Variants in KCNT1 observed in about 807,000 individuals in gnomAD.
KCNT1 encodes the protein potassium sodium-activated channel subfamily T member 1, also known as potassium channel subfamily T member 1.
KCNT1 carries 78 observed loss-of-function variants against 147.8 expected under a neutral mutation model. The ratio of observed to expected loss-of-function variants is 0.53; its 90% CI spans 0.44 to 0.64. The LOEUF is 0.64. Among genes scored for constraint, KCNT1 ranks in the 30% least tolerant of loss-of-function variants. The pLI, the probability that KCNT1 is intolerant of heterozygous loss-of-function variation, is 0.00. For synonymous variants in KCNT1, 867 were observed against 748.8 expected, an observed-to-expected ratio of 1.16 and a Z score of -2.58; for missense variants, 1,419 against 1,750.3, an observed-to-expected ratio of 0.81 and a Z score of 3.38.
intron 15 of KCNT1, 40 bp downstream of exon 15, chr9:135,768,977 C>A: frequency 6.7e-7 from 1 of 1,496,664 alleles, no homozygotes. Context: ...GTATCTGGGG[C>A]AGGGCACGTG....
rs1458707658 is a variant in KCNT1, at chr9:135,752,377, A to G, written c.434+1336A>G. The G allele has an allele frequency of 6.6e-6, 3 of 456,472 alleles. No homozygotes were observed. The highest frequency in any genetic ancestry group is 1.3e-5 in the Non-Finnish European group (3 of 226,910). 28.3% of individuals were successfully genotyped at this position (456,472 alleles called of 1,614,324 possible). On this transcript the variant is annotated intron_variant, in intron 4 of 30. Coordinates refer to ENST00000371757, the MANE Select transcript of KCNT1 (RefSeq NM_020822.3). This position sits in a 1 kb window ranked among gnomAD's most constrained non-coding sequence, Gnocchi z 5.1. ...AAGAATGAACCTCCTGTCTTTGTCTAGGTCAGAAGAGGGCAGAACCCACTA... is the reference window on the plus strand; with the variant it reads ...AAGAATGAACCTCCTGTCTTTGTCTGGGTCAGAAGAGGGCAGAACCCACTA...
chr9:135,755,240 C>A, intron 6 of KCNT1, 71 bp downstream of exon 6: 5 of 1,386,036 alleles, frequency 3.6e-6, no homozygotes, highest in Non-Finnish European at 4.9e-6. Context: ...AACCCAGACT[C>A]AGTAAGTAGG....
chr9:135,707,933 G>A (rs746494639), intron 1 of KCNT1, among the ~76,000 whole-genome samples: 2 of 152,166 alleles, frequency 1.3e-5, no homozygotes, highest in Non-Finnish European at 2.9e-5. Context: ...AGCCACCCTC[G>A]CATGGGCAAG....
intron 29 of KCNT1, chr9:135,788,028 C>T (rs909357027): frequency 4.1e-6 from 5 of 1,215,086 alleles, no homozygotes; most frequent in Middle Eastern, 1.9e-4. Flanking sequence ...CTGTGCCGGC[C>T]GCCCGCACCT....
In KCNT1 at chr9:135,751,054, C is replaced by A. The variant is rs748845591; in HGVS notation, c.434+13C>A. On this transcript the variant is annotated intron_variant, in intron 4 of 30. Coordinates refer to ENST00000371757, the MANE Select transcript of KCNT1 (RefSeq NM_020822.3). ...TGGGCATCGGATGGTGGGCCACGTGCGCGGCCGGGCGCGGGGTCCCGGGTC... is the reference window on the plus strand; with the variant it reads ...TGGGCATCGGATGGTGGGCCACGTGAGCGGCCGGGCGCGGGGTCCCGGGTC... The A allele has an allele frequency of 6.2e-7, 1 of 1,604,020 alleles. No homozygotes were observed.
chr9:135,777,683 C>A (rs533498751), intron 21 of KCNT1, among the ~76,000 whole-genome samples, 173 bp downstream of exon 21: 1 of 151,992 alleles, frequency 6.6e-6, no homozygotes, highest in Non-Finnish European at 1.5e-5. Context: ...CTGCTCCCAA[C>A]TCCTCCTGCT....
chr9:135,757,144 GT>G lies in KCNT1; in HGVS notation c.601-9del, dbSNP rs1564351955. 1.1e-6 allele frequency: 1 copy of G among 873,876 alleles called. No individual in the cohort carries two copies. Among genetic ancestry groups the G allele is most frequent in the East Asian group, 1.1e-4 (1 of 9,232 alleles). 54.1% of individuals were successfully genotyped at this position (873,876 alleles called of 1,614,324 possible). The stretch of plus-strand genomic sequence containing the variant: ...TCCATCGCCCCCGCTGATACCCCCC[GT>G]TTGGCCCCAGGGCAACATCTGGGAG... On this transcript the variant is annotated splice_polypyrimidine_tract_variant and intron_variant, in intron 7 of 30. Coordinates refer to ENST00000371757, the MANE Select transcript of KCNT1 (RefSeq NM_020822.3).
At chr9:135,753,800 C>T in intron 4 of KCNT1, 137 bp from the exon 5 acceptor site, 1 of 809,848 alleles carries the variant, frequency 1.2e-6, no homozygotes, top group South Asian at 1.5e-5. Context: ...GGTGTTAGAG[C>T]TCTGATGTGG....
At chr9:135,755,025 C>A in intron 5 of KCNT1, 96 bp from the exon 6 acceptor site, 1 of 1,115,924 alleles carries the variant, frequency 9.0e-7, no homozygotes, top group Non-Finnish European at 1.3e-6. Flanking sequence ...ATGCTTGGGG[C>A]CAGTGGAGGC....
intron 2 of KCNT1, chr9:135,742,904 C>T: frequency 1.4e-6 from 1 of 699,350 alleles, no homozygotes; most frequent in Non-Finnish European, 2.7e-6. Context: ...TCCCCTCAAC[C>T]CAGCATCCCC....
At chr9:135,762,700 A>C (rs1043845867) in intron 11 of KCNT1, among the ~76,000 whole-genome samples, 1 of 152,188 alleles carries the variant, frequency 6.6e-6, no homozygotes, top group Non-Finnish European at 1.5e-5. Context: ...CAGTGAGCCA[A>C]GATCACACCA....
intron 20 of KCNT1, among the ~76,000 whole-genome samples, chr9:135,775,866 G>A (rs1048614424): frequency 2.0e-5 from 3 of 152,154 alleles, no homozygotes; most frequent in African/African-American, 4.8e-5. Flanking sequence ...TTTCCCCACC[G>A]GGAGCCTGTC....
chr9:135,767,784 C>T (rs1042944283), intron 13 of KCNT1, among the ~76,000 whole-genome samples: 4 of 152,028 alleles, frequency 2.6e-5, no homozygotes, highest in Non-Finnish European at 5.9e-5. Flanking sequence ...CTCCTGATGC[C>T]CCTCCTACCT....
chr9:135,778,413 T>A lies in KCNT1; in HGVS notation c.2523-11T>A. The A allele has an allele frequency of 6.4e-7, 1 of 1,550,460 alleles. No homozygotes were observed. The highest frequency in any genetic ancestry group is 8.7e-7 in the Non-Finnish European group (1 of 1,146,912). On this transcript the variant is annotated splice_polypyrimidine_tract_variant and intron_variant, in intron 21 of 30. Transcript: ENST00000371757. The stretch of plus-strand genomic sequence containing the variant: ...GCAGGGTGGGCCCCTCCAGGACCGC[T>A]GTCCCCACAGGCCCGACCACCACTT...
chr9:135,785,211 C>T (rs536670395), intron 27 of KCNT1, 99 bp from the exon 28 acceptor site: 9 of 1,544,174 alleles, frequency 5.8e-6, no homozygotes, highest in Admixed American at 1.7e-5. Context: ...GCACCGTGCC[C>T]ACCAGCCCTA....
intron 2 of KCNT1, among the ~76,000 whole-genome samples, chr9:135,715,660 G>C (rs1196765604): frequency 6.6e-6 from 1 of 151,444 alleles, no homozygotes; most frequent in Non-Finnish European, 1.5e-5. Context: ...AAATGGTCAG[G>C]ACACAAACAG....
rs76689537 is a variant in KCNT1, at chr9:135,752,629, G to A, written c.435-1308G>A. ...GATGGTTGGATGGATGGTGGATGAT[G>A]GATGGATGGACGGACGGACGGATGG... On this transcript the variant is annotated intron_variant, in intron 4 of 30. Transcript: ENST00000371757. The surrounding 1 kb of genome is among the most constrained non-coding windows in gnomAD (Gnocchi z 5.1). 0.047 allele frequency among the ~76,000 whole-genome samples: 7,127 copies of A among 151,234 alleles called. 445 individuals are homozygous for A. The highest frequency in any genetic ancestry group is 0.31 in the East Asian group (1,618 of 5,138).
intron 6 of KCNT1, among the ~76,000 whole-genome samples, 195 bp downstream of exon 6, chr9:135,755,364 G>C (rs1831416283): frequency 6.6e-6 from 1 of 151,562 alleles, no homozygotes; most frequent in African/African-American, 2.4e-5. Flanking sequence ...AGGGGACCCA[G>C]GCTCAGCAAA....
At chr9:135,716,159 C>T (rs556620969) in intron 2 of KCNT1, among the ~76,000 whole-genome samples, 1 of 152,196 alleles carries the variant, frequency 6.6e-6, no homozygotes, top group East Asian at 1.9e-4. Context: ...GCACCAGCCC[C>T]TCAGATGCCT....
Sources: allele counts gnomAD v4.1 joint callset (sites outside exome capture counted in the v4.1 genomes callset), GRCh38; gene constraint gnomAD v4.1.1; non-coding constraint Gnocchi (gnomAD v3.1); transcripts MANE v1.5; gene names NCBI Gene and HGNC (gene_info 2026-07-23, HGNC 2026-07-21).